Variants in GREB1L observed in about 807,000 individuals in gnomAD.
GREB1L encodes the protein GREB1-like protein.
A neutral mutation model predicts 200.8 loss-of-function variants in GREB1L; 17 were observed. That is an observed-to-expected ratio of 0.08 (90% CI 0.06 to 0.13). The LOEUF is 0.13. Among genes scored for constraint, GREB1L ranks in the 10% least tolerant of loss-of-function variants. The probability of loss-of-function intolerance (pLI) is 1.00; values close to 1 mark genes in which losing one functional copy is unlikely to be tolerated. For missense variants in GREB1L, 1,657 were observed against 2,367.7 expected, an observed-to-expected ratio of 0.70 and a Z score of 6.23; for synonymous variants, 789 against 893.0, an observed-to-expected ratio of 0.88 and a Z score of 2.08.
intron 2 of GREB1L, among the ~76,000 whole-genome samples, chr18:21,366,370 C>G (rs1040375523): frequency 1.3e-4 from 19 of 151,908 alleles, no homozygotes; most frequent in African/African-American, 4.6e-4. Context: ...TCCTATATAC[C>G]TAAATTAAGA....
At position 21,475,970 on chromosome 18, in the gene GREB1L, CAAAAAAAAAA is replaced by C. The variant is rs71178177; in HGVS notation, c.2364-1176_2364-1167del. 2.4e-4 allele frequency among the ~76,000 whole-genome samples: 14 copies of C among 58,380 alleles called. No homozygotes were observed. In the South Asian group the frequency reaches 4.1e-3, roughly 17 times the overall value. 38.3% of individuals were successfully genotyped at this position (58,380 alleles called of 152,430 possible). A position where few individuals can be genotyped will look rare whatever the true frequency, so the allele number is the denominator to read the frequency against. On this transcript the variant is annotated intron_variant, in intron 16 of 32. Transcript: ENST00000424526. ...GGTGACACAGAGAGAGACTCCGTCT[CAAAAAAAAAA>C]AAAAAAAAAAAAAAAAAGAGTCAAA...
chr18:21,342,741 T>C (rs1287514740), intron 1 of GREB1L, among the ~76,000 whole-genome samples: 1 of 152,206 alleles, frequency 6.6e-6, no homozygotes, highest in Non-Finnish European at 1.5e-5. Context: ...GGATTTCATT[T>C]TGTTTTTTCA....
Position 21,366,061 on chromosome 18 carries a change from G to A in GREB1L, c.-85G>A, listed in dbSNP as rs1399730428. 6.6e-6 allele frequency: 1 copy of A among 151,866 alleles called. No homozygotes were observed. Among genetic ancestry groups the A allele is most frequent in the Non-Finnish European group, 1.5e-5 (1 of 67,956 alleles). The allele number at this position is 151,866 out of a possible 1,614,324, so 9.4% of individuals were successfully genotyped here. A position where few individuals can be genotyped will look rare whatever the true frequency, so the allele number is the denominator to read the frequency against. On this transcript the variant is annotated 5_prime_UTR_variant, in exon 2 of 33. Transcript: ENST00000424526. ...AAGCTTTAAACAAGTTAAAATCTAG[G>A]CAACAGACTCCCTGAAGTGTTGACT...
chr18:21,502,783 C>T (rs185708258), intron 23 of GREB1L, among the ~76,000 whole-genome samples: 3 of 152,304 alleles, frequency 2.0e-5, no homozygotes, highest in Admixed American at 2.0e-4. Flanking sequence ...CGAGGCCTGC[C>T]CTTCTGCCAG....
intron 1 of GREB1L, among the ~76,000 whole-genome samples, chr18:21,362,965 T>G (rs2039600540): frequency 6.6e-6 from 1 of 152,216 alleles, no homozygotes; most frequent in African/African-American, 2.4e-5. Flanking sequence ...AATCCTCTTG[T>G]AAAATGTCTT....
chr18:21,508,789 G>A lies in GREB1L; in HGVS notation c.4735+198G>A, dbSNP rs138107449. The stretch of plus-strand genomic sequence containing the variant: ...TCTTTTTCCCTTTATCTGCACTTTT[G>A]CAGAATTAACTCTGAGGACTGGTAA... On this transcript the variant is annotated intron_variant, in intron 27 of 32. Transcript: ENST00000424526. 2.8e-4 allele frequency: 167 copies of A among 596,534 alleles called. 1 individual carries two copies. The African/African-American group carries it at 2.9e-3, about 11-fold the overall frequency. 37.0% of individuals were successfully genotyped at this position (596,534 alleles called of 1,614,324 possible).
At chr18:21,242,997 A>G (rs576682092) in intron 1 of GREB1L, among the ~76,000 whole-genome samples, 35 of 152,100 alleles carry the variant, frequency 2.3e-4, no homozygotes, top group African/African-American at 8.4e-4. Flanking sequence ...CTCAACACCA[A>G]ATGTCACTTC....
intron 7 of GREB1L, 36 bp from the exon 8 acceptor site, chr18:21,439,485 C>T: frequency 1.6e-6 from 2 of 1,261,168 alleles, no homozygotes; most frequent in Non-Finnish European, 2.3e-6. Flanking sequence ...CCCGCCCAGC[C>T]TCTGTTCTGA....
intron 15 of GREB1L, among the ~76,000 whole-genome samples, chr18:21,467,973 C>T (rs1191303812): frequency 1.4e-5 from 2 of 148,124 alleles, no homozygotes; most frequent in Admixed American, 6.8e-5. Context: ...CACAGTGAGC[C>T]GAGATCATGC....
chr18:21,514,376 G>T (rs976422455), intron 28 of GREB1L, among the ~76,000 whole-genome samples: 1 of 152,164 alleles, frequency 6.6e-6, no homozygotes, highest in African/African-American at 2.4e-5. Context: ...TTAGCTGAGC[G>T]TGGTGGCGCA....
chr18:21,358,375 G>A (rs750991011), intron 1 of GREB1L, among the ~76,000 whole-genome samples: 3 of 152,270 alleles, frequency 2.0e-5, no homozygotes, highest in African/African-American at 7.2e-5. Context: ...GAGTGCAGTC[G>A]TGAGATCTCA....
At chr18:21,501,822 A>G (rs1305791255) in intron 23 of GREB1L, among the ~76,000 whole-genome samples, 3 of 152,236 alleles carry the variant, frequency 2.0e-5, no homozygotes, top group Non-Finnish European at 2.9e-5. Flanking sequence ...TGCTGGCACT[A>G]TGAACAAAAC....
At chr18:21,512,310 A>AT (rs2037270723) in intron 27 of GREB1L, among the ~76,000 whole-genome samples, 1 of 152,230 alleles carries the variant, frequency 6.6e-6, no homozygotes, top group South Asian at 2.1e-4. Flanking sequence ...CTTCCAATCC[A>AT]TAAACACAGG....
intron 4 of GREB1L, among the ~76,000 whole-genome samples, chr18:21,394,777 G>A (rs2586204): frequency 0.38 from 57,775 of 151,668 alleles, 16,338 homozygotes; most frequent in African/African-American, 0.78. Flanking sequence ...TAAAAACTAC[G>A]TGGTTTTCAA....
chr18:21,475,636 G>A (rs188470511), intron 16 of GREB1L, among the ~76,000 whole-genome samples: 19 of 152,068 alleles, frequency 1.2e-4, no homozygotes, highest in Admixed American at 5.9e-4. Flanking sequence ...GATTACAGGC[G>A]TGAGCCACCA....
intron 1 of GREB1L, among the ~76,000 whole-genome samples, chr18:21,304,615 T>C (rs1025575954): frequency 7.9e-5 from 12 of 152,180 alleles, no homozygotes; most frequent in Non-Finnish European, 1.0e-4. Context: ...GTATCTGACA[T>C]GTAAGATGTA....
chr18:21,314,619 G>T (rs1437081164), intron 1 of GREB1L, among the ~76,000 whole-genome samples: 1 of 152,162 alleles, frequency 6.6e-6, no homozygotes, highest in East Asian at 1.9e-4. Flanking sequence ...TTCATGGTTT[G>T]TATTTTGTGA....
intron 1 of GREB1L, among the ~76,000 whole-genome samples, chr18:21,282,181 G>A (rs2038281330): frequency 6.6e-6 from 1 of 152,128 alleles, no homozygotes. Context: ...GACGCTGTCA[G>A]GAGGATCACT....
At chr18:21,298,074 GGGACA>G (rs1301811688) in intron 1 of GREB1L, among the ~76,000 whole-genome samples, 2 of 152,110 alleles carry the variant, frequency 1.3e-5, no homozygotes, top group African/African-American at 2.4e-5. Context: ...TACTCCAGTA[GGGACA>G]GCCCTCAAAA....
Sources: allele counts gnomAD v4.1 joint callset (sites outside exome capture counted in the v4.1 genomes callset), GRCh38; gene constraint gnomAD v4.1.1; transcripts MANE v1.5; gene names NCBI Gene and HGNC (gene_info 2026-07-23, HGNC 2026-07-21).